ADGRB3: variants seen among roughly 807,000 people sequenced by gnomAD.
ADGRB3 encodes the protein brain-specific angiogenesis inhibitor 3.
ADGRB3 carries 37 observed loss-of-function variants against 193.4 expected under a neutral mutation model. The ratio of observed to expected loss-of-function variants is 0.19; its 90% confidence interval spans 0.15 to 0.25. The LOEUF (loss-of-function observed/expected upper bound fraction) is 0.25. ADGRB3 is among the 10% of genes least tolerant of loss of function. The pLI, the probability that ADGRB3 is intolerant of heterozygous loss-of-function variation, is 1.00. For synonymous variants in ADGRB3, 690 were observed against 644.2 expected, an observed-to-expected ratio of 1.07 and a Z score of -1.08; for missense variants, 1,637 against 1,852.9, an observed-to-expected ratio of 0.88 and a Z score of 2.14.
At chr6:68,746,444 A>T (rs533105304) in intron 3 of ADGRB3, among the ~76,000 whole-genome samples, 7 of 152,174 alleles carry the variant, frequency 4.6e-5, no homozygotes, top group Admixed American at 4.6e-4. Flanking sequence ...AAAAATGTTT[A>T]TAATTTTTAT....
intron 3 of ADGRB3, among the ~76,000 whole-genome samples, chr6:68,888,542 T>TGCACAC (rs1554214295): frequency 6.8e-6 from 1 of 146,066 alleles, no homozygotes; most frequent in Non-Finnish European, 1.5e-5. Context: ...GGGTAATAGA[T>TGCACAC]ACACACACAC....
rs564048272 is a variant in ADGRB3, at chr6:69,156,652, AT to A, written c.2481-76632del. On this transcript the variant is annotated intron_variant, in intron 17 of 31. Coordinates refer to ENST00000370598, the MANE Select transcript of ADGRB3 (RefSeq NM_001704.3). ...AACAACATGATGGCTGATTTGTTTG[AT>A]TTTTTACACAATCCCTTGGGTTCCA... is the stretch of plus-strand genomic sequence containing the variant. Among the ~76,000 whole-genome samples, 75 of 152,290 alleles carry A rather than the reference AT, an allele frequency of 4.9e-4. 1 individual carries two copies. The highest frequency in any genetic ancestry group is 1.7e-3 in the African/African-American group (72 of 41,578).
intron 13 of ADGRB3, among the ~76,000 whole-genome samples, chr6:69,024,021 A>G (rs1009789530): frequency 1.3e-5 from 2 of 152,152 alleles, no homozygotes; most frequent in Non-Finnish European, 2.9e-5. Flanking sequence ...GGATTTTATT[A>G]GAGGAGTCAA....
chr6:68,930,801 C>T, intron 4 of ADGRB3, 132 bp downstream of exon 4: 1 of 647,636 alleles, frequency 1.5e-6, no homozygotes, highest in Non-Finnish European at 2.6e-6. Flanking sequence ...TTTTTGTCAC[C>T]AGTTAAAGTC....
chr6:68,787,893 G>A (rs1482311782), intron 3 of ADGRB3, among the ~76,000 whole-genome samples: 1 of 152,178 alleles, frequency 6.6e-6, no homozygotes, highest in Non-Finnish European at 1.5e-5. Flanking sequence ...GAGGATATAT[G>A]TGTGGAGGAA....
At chr6:68,774,372 T>C (rs1253949507) in intron 3 of ADGRB3, among the ~76,000 whole-genome samples, 1 of 104,578 alleles carries the variant, frequency 9.6e-6, no homozygotes, top group East Asian at 2.1e-4. Context: ...CTATGCCTAT[T>C]TTTTTTTTTT....
intron 3 of ADGRB3, among the ~76,000 whole-genome samples, chr6:68,822,881 G>T (rs563644387): frequency 7.2e-5 from 11 of 152,082 alleles, no homozygotes; most frequent in Admixed American, 6.6e-4. Context: ...ATCTTTGGAA[G>T]AATATTTTCC....
At chr6:68,939,011 A>G (rs923744419) in intron 5 of ADGRB3, among the ~76,000 whole-genome samples, 3 of 152,126 alleles carry the variant, frequency 2.0e-5, no homozygotes, top group Non-Finnish European at 4.4e-5. Context: ...TTCAGAGTCT[A>G]CTTCCCAGCC....
chr6:68,681,479 G>A (rs1173931891), intron 3 of ADGRB3, among the ~76,000 whole-genome samples: 1 of 151,932 alleles, frequency 6.6e-6, no homozygotes, highest in Non-Finnish European at 1.5e-5. Flanking sequence ...GGGGTCTCGC[G>A]ATGTTGCTCA....
chr6:68,648,523 G>A (rs1768270652), intron 3 of ADGRB3, among the ~76,000 whole-genome samples: 1 of 147,224 alleles, frequency 6.8e-6, no homozygotes, highest in South Asian at 2.2e-4. Flanking sequence ...ACATTGGAAC[G>A]CTGATGGATC....
intron 3 of ADGRB3, among the ~76,000 whole-genome samples, chr6:68,771,925 A>G (rs1403712675): frequency 6.6e-6 from 1 of 152,080 alleles, no homozygotes; most frequent in Admixed American, 6.6e-5. Context: ...TGAGTGTTTG[A>G]TAAGCAATGT....
intron 29 of ADGRB3, among the ~76,000 whole-genome samples, chr6:69,369,027 G>A (rs1210573761): frequency 6.6e-6 from 1 of 152,062 alleles, no homozygotes; most frequent in Non-Finnish European, 1.5e-5. Context: ...TATGTACAGA[G>A]GGATTTGTAT....
intron 13 of ADGRB3, among the ~76,000 whole-genome samples, chr6:69,026,950 G>A (rs1770449289): frequency 6.6e-6 from 1 of 152,242 alleles, no homozygotes; most frequent in African/African-American, 2.4e-5. Flanking sequence ...GAGGGTGTAG[G>A]AAATTACTAT....
chr6:68,862,864 C>G (rs963265080), intron 3 of ADGRB3, among the ~76,000 whole-genome samples: 1 of 152,090 alleles, frequency 6.6e-6, no homozygotes, highest in African/African-American at 2.4e-5. Context: ...TTCTTAAATT[C>G]CCACCACAAA....
intron 13 of ADGRB3, among the ~76,000 whole-genome samples, chr6:69,028,996 A>C (rs1770527096): frequency 6.6e-6 from 1 of 152,126 alleles, no homozygotes; most frequent in South Asian, 2.1e-4. Context: ...AGGGGTACCC[A>C]CATAATTTGT....
chr6:69,142,779 G>A (rs78809661), intron 17 of ADGRB3, among the ~76,000 whole-genome samples: 3 of 152,178 alleles, frequency 2.0e-5, no homozygotes, highest in East Asian at 3.9e-4. Flanking sequence ...CCTCATGTCT[G>A]TGAGGGGTCT....
intron 17 of ADGRB3, among the ~76,000 whole-genome samples, chr6:69,141,309 G>A (rs1396472110): frequency 1.3e-5 from 2 of 152,084 alleles, no homozygotes; most frequent in East Asian, 3.9e-4. Context: ...ATTTTTAGTA[G>A]TGACGGGGTT....
Position 69,354,264 on chromosome 6 carries a change from A to T in ADGRB3, c.3491A>T (p.Asn1164Ile), listed in dbSNP as rs1455524133. 2 of 1,613,816 alleles carry T rather than the reference A, an allele frequency of 1.2e-6. No individual in the cohort carries two copies. The highest frequency in any genetic ancestry group is 1.7e-6 in the Non-Finnish European group (2 of 1,179,914). ...VQDAFRCRLR[N>I]CQDPINADSS... ...GATGCATTTAGATGCCGATTGAGAAACTGTCAGGATCCCATCAATGCAGAT... is the reference window on the plus strand; with the variant it reads ...GATGCATTTAGATGCCGATTGAGAATCTGTCAGGATCCCATCAATGCAGAT... The change falls in exon 27 of 32, where the codon AAC (asparagine) becomes ATC (isoleucine). Residue 1164 changes from asparagine (N) to isoleucine (I), a missense_variant. Around this residue, in one of 7 missense-constraint regions of ADGRB3, gnomAD observed 116 missense variants for 168.1 expected, o/e 0.69. Transcript: ENST00000370598.
In ADGRB3 at chr6:68,783,532, A is replaced by G. The variant is rs570237174; in HGVS notation, c.757+144100A>G. Among the ~76,000 whole-genome samples the G allele has an allele frequency of 1.1e-4, 16 of 151,932 alleles. No homozygotes were observed. In the South Asian group the frequency reaches 3.3e-3, roughly 32 times the overall value. ...AAAAAGACAAGGGCATAAGGGCAGA[A>G]TATCAGTATCAACACTGTATGTTAT... is the stretch of plus-strand genomic sequence containing the variant. On this transcript the variant is annotated intron_variant, in intron 3 of 31. Coordinates refer to ENST00000370598, the MANE Select transcript of ADGRB3 (RefSeq NM_001704.3).
Sources: gnomAD v4.1 joint callset for allele counts (sites outside exome capture counted in the v4.1 genomes callset) on GRCh38, gnomAD v4.1.1 for gene constraint, gnomAD v4.1.1 regional missense constraint, MANE v1.5 for transcripts, NCBI Gene and HGNC (gene_info 2026-07-23, HGNC 2026-07-21) for gene names.